The following LINGO2 variants were observed in gnomAD, a reference collection of about 807,000 sequenced individuals.
The protein encoded by LINGO2 is leucine-rich repeat and immunoglobulin-like domain-containing nogo receptor-interacting protein 2.
LINGO2 carries 14 observed loss-of-function variants against 30.6 expected under a neutral mutation model. The ratio of observed to expected loss-of-function variants is 0.46; its 90% CI spans 0.30 to 0.72. The LOEUF (loss-of-function observed/expected upper bound fraction) is 0.72, where lower values mean the gene tolerates loss of function less well. Among genes scored for constraint, LINGO2 ranks in the 30% least tolerant of loss-of-function variants. The pLI is 0.07. For synonymous variants in LINGO2, 317 were observed against 288.5 expected (o/e 1.10, Z -1.00); for missense variants, 729 against 751.7 (o/e 0.97, Z 0.35).
intron 5 of LINGO2, among the ~76,000 whole-genome samples, chr9:27,969,757 A>G (rs1365169923): frequency 1.3e-5 from 2 of 152,130 alleles, no homozygotes; most frequent in African/African-American, 4.8e-5. Flanking sequence ...GGTAGGTGGC[A>G]TTATTCCTAT....
chr9:29,158,197 A>C, the LINGO2 span, among the ~76,000 whole-genome samples: 14 of 151,554 alleles, frequency 9.2e-5, no homozygotes, highest in African/African-American at 3.1e-4. Context: ...AAAAAAACAA[A>C]AAAAAAACAA....
intron 4 of LINGO2, among the ~76,000 whole-genome samples, chr9:28,255,991 T>C (rs1822371069): frequency 6.6e-6 from 1 of 152,062 alleles, no homozygotes; most frequent in Non-Finnish European, 1.5e-5. Flanking sequence ...AGAAATTGTT[T>C]GCAAAACATC....
chr9:28,799,710 T>C, the LINGO2 span, among the ~76,000 whole-genome samples: 1 of 152,110 alleles, frequency 6.6e-6, no homozygotes, highest in African/African-American at 2.4e-5. Context: ...TCTTACTATG[T>C]CACAGAGTTG....
At chr9:28,797,986 T>C in the LINGO2 span, among the ~76,000 whole-genome samples, 1 of 152,094 alleles carries the variant, frequency 6.6e-6, no homozygotes, top group Non-Finnish European at 1.5e-5. Flanking sequence ...TTGAGGGAAC[T>C]AGCTGACAGT....
intron 1 of LINGO2, among the ~76,000 whole-genome samples, chr9:28,640,515 C>CTT (rs151049514): frequency 0.095 from 13,185 of 139,400 alleles, 766 homozygotes; most frequent in East Asian, 0.2. Flanking sequence ...AGGCCTTGTT[C>CTT]TTTTTTTTTT....
At chr9:28,631,099 G>A (rs62548187) in intron 1 of LINGO2, among the ~76,000 whole-genome samples, 12,077 of 151,782 alleles carry the variant, frequency 0.08, 671 homozygotes, top group Admixed American at 0.2. Context: ...TGAAATACCA[G>A]TACTCCAAGG....
intron 4 of LINGO2, among the ~76,000 whole-genome samples, chr9:28,281,898 G>A (rs754051096): frequency 3.3e-5 from 5 of 152,090 alleles, no homozygotes; most frequent in Non-Finnish European, 7.4e-5. Flanking sequence ...GGAAATGCTT[G>A]CTTGAACCTG....
At chr9:28,455,758 T>A (rs1439442543) in intron 2 of LINGO2, among the ~76,000 whole-genome samples, 1 of 152,150 alleles carries the variant, frequency 6.6e-6, no homozygotes. Context: ...ATGGCCTTCA[T>A]TAGACAGCCT....
chr9:28,233,798 C>G (rs1348279778), intron 4 of LINGO2, among the ~76,000 whole-genome samples: 1 of 152,110 alleles, frequency 6.6e-6, no homozygotes, highest in Non-Finnish European at 1.5e-5. Flanking sequence ...CCATTCCAGG[C>G]CCTAGCTCCC....
rs1563878651 is a variant in LINGO2, at chr9:28,632,747, T to TATAAATATAG, written c.-365+37452_-365+37453insCTATATTTAT. 1.8e-3 allele frequency among the ~76,000 whole-genome samples: 244 copies of TATAAATATAG among 137,212 alleles called. 1 individual carries two copies. The highest frequency in any genetic ancestry group is 6.4e-3 in the African/African-American group (235 of 36,452). 90.0% of individuals were successfully genotyped at this position (137,212 alleles called of 152,430 possible). Reference sequence around the variant, plus strand: ...ATATATAGATCTATATATTTATATATAGATCTATATATATAGATTTATATA... The same window carrying TATAAATATAG: ...ATATATAGATCTATATATTTATATATATAAATATAGAGATCTATATATATAGATTTATATA... On this transcript the variant is annotated intron_variant, in intron 1 of 5. Transcript: ENST00000379992.
chr9:27,956,436 T>C (rs1029103968), intron 5 of LINGO2, among the ~76,000 whole-genome samples: 1 of 152,224 alleles, frequency 6.6e-6, no homozygotes, highest in South Asian at 2.1e-4. Flanking sequence ...GTTATGTATA[T>C]ATTCTAAATA....
chr9:28,770,143 G>A, the LINGO2 span, among the ~76,000 whole-genome samples: 4 of 152,126 alleles, frequency 2.6e-5, no homozygotes, highest in African/African-American at 9.7e-5. Flanking sequence ...GGTGCTGTCA[G>A]ACAAGGGAGC....
At chr9:28,307,239 G>A (rs1267459113) in intron 3 of LINGO2, among the ~76,000 whole-genome samples, 8 of 152,170 alleles carry the variant, frequency 5.3e-5, no homozygotes, top group Non-Finnish European at 1.0e-4. Context: ...CCATGGTCAA[G>A]TGGGCTTCAT....
At chr9:28,711,673 G>T in the LINGO2 span, among the ~76,000 whole-genome samples, 1 of 152,018 alleles carries the variant, frequency 6.6e-6, no homozygotes, top group Non-Finnish European at 1.5e-5. Flanking sequence ...GTTGCTTCTG[G>T]AGTCACACTC....
At chr9:28,105,265 A>G (rs1264061802) in intron 4 of LINGO2, among the ~76,000 whole-genome samples, 1 of 152,138 alleles carries the variant, frequency 6.6e-6, no homozygotes, top group African/African-American at 2.4e-5. Context: ...TGTTCAGAAA[A>G]TGTGCTCTCC....
At chr9:28,922,547 A>C in the LINGO2 span, among the ~76,000 whole-genome samples, 2 of 152,218 alleles carry the variant, frequency 1.3e-5, no homozygotes, top group African/African-American at 4.8e-5. Context: ...ATTGTAAATC[A>C]TGGCTAAATT....
intron 4 of LINGO2, among the ~76,000 whole-genome samples, chr9:28,050,803 A>G (rs1038065076): frequency 6.0e-5 from 9 of 151,066 alleles, no homozygotes; most frequent in South Asian, 2.1e-4. Flanking sequence ...ATGTTGATAT[A>G]ATGCATTCAC....
chr9:28,728,793 C>A, the LINGO2 span, among the ~76,000 whole-genome samples: 1 of 151,984 alleles, frequency 6.6e-6, no homozygotes, highest in African/African-American at 2.4e-5. Flanking sequence ...TGGTAAATAT[C>A]CTTACAGAAA....
At chr9:28,248,351 G>C (rs1401851269) in intron 4 of LINGO2, among the ~76,000 whole-genome samples, 1 of 152,134 alleles carries the variant, frequency 6.6e-6, no homozygotes, top group African/African-American at 2.4e-5. Flanking sequence ...ATATAAGCCA[G>C]ACACAGAAAG....
Sources: gnomAD v4.1 joint callset for allele counts (sites outside exome capture counted in the v4.1 genomes callset) on GRCh38, gnomAD v4.1.1 for gene constraint, MANE v1.5 for transcripts, NCBI Gene and HGNC (gene_info 2026-07-23, HGNC 2026-07-21) for gene names.